The following SORCS1 variants were observed in gnomAD, a reference collection of about 807,000 sequenced individuals.
SORCS1 encodes sortilin related VPS10 domain containing receptor 1.
In SORCS1, 60 loss-of-function variants were observed where a neutral mutation model predicts 146.1. The observed-to-expected ratio is 0.41, with a 90% CI of 0.33 to 0.51. The LOEUF is 0.51. Ranked by LOEUF, SORCS1 falls within the 20% of genes least tolerant of loss-of-function variation. The pLI, the probability that SORCS1 is intolerant of heterozygous loss-of-function variation, is 0.21. For synonymous variants in SORCS1, 637 were observed against 584.0 expected (o/e 1.09, Z -1.31); for missense variants, 1,352 against 1,487.6 (o/e 0.91, Z 1.50).
rs191870770 is a variant in SORCS1, at chr10:106,655,175, T to A, written c.2304-2622A>T. 1.0e-3 allele frequency among the ~76,000 whole-genome samples: 152 copies of A among 152,282 alleles called. 1 individual carries two copies. Among genetic ancestry groups the A allele is most frequent in the Middle Eastern group, 3.4e-3 (1 of 294 alleles). On this transcript the variant is annotated intron_variant, in intron 17 of 25. Coordinates refer to ENST00000263054, the MANE Select transcript of SORCS1 (RefSeq NM_052918.5). ...TGGCCTCATCTGATATTTATTTTTT[T>A]AAAAATCCTTTGTAGTTGCTTTTAA...
In SORCS1 at chr10:106,617,447, A is replaced by G. The variant is rs1363136728; in HGVS notation, c.2920+702T>C. ...TACTAGTAACACTTAGTGCATATCC[A>G]TATGACTATCTTTCTATGCAGAAAA... On this transcript the variant is annotated intron_variant, in intron 21 of 25. Coordinates refer to ENST00000263054, the MANE Select transcript of SORCS1 (RefSeq NM_052918.5). 2.0e-5 allele frequency among the ~76,000 whole-genome samples: 3 copies of G among 152,242 alleles called. No individual in the cohort carries two copies. In the East Asian group the frequency reaches 5.8e-4, roughly 29 times the overall value.
intron 5 of SORCS1, among the ~76,000 whole-genome samples, chr10:106,731,011 A>G (rs1856553290): frequency 6.6e-6 from 1 of 152,142 alleles, no homozygotes; most frequent in Non-Finnish European, 1.5e-5. Context: ...TGCAGATGTT[A>G]AAACTACTTA....
chr10:106,897,962 C>T (rs934032904), intron 2 of SORCS1, among the ~76,000 whole-genome samples: 2 of 152,226 alleles, frequency 1.3e-5, no homozygotes, highest in Non-Finnish European at 2.9e-5. Flanking sequence ...GCCATTCCTT[C>T]GCTGGGACCC....
At chr10:106,621,902 C>A (rs1430051662) in intron 19 of SORCS1, among the ~76,000 whole-genome samples, 1 of 152,144 alleles carries the variant, frequency 6.6e-6, no homozygotes, top group Non-Finnish European at 1.5e-5. Context: ...AACCTTTCAC[C>A]ACCCGAATCC....
chr10:106,858,389 G>A (rs1949872117), intron 2 of SORCS1, among the ~76,000 whole-genome samples: 1 of 151,762 alleles, frequency 6.6e-6, no homozygotes, highest in African/African-American at 2.4e-5. Context: ...GGAAGCCGAG[G>A]CAGGCGGATC....
chr10:107,052,891 T>G (rs562877780), intron 1 of SORCS1, among the ~76,000 whole-genome samples: 4 of 152,258 alleles, frequency 2.6e-5, no homozygotes, highest in African/African-American at 7.2e-5. Flanking sequence ...TCTCATTGTG[T>G]TCCATAGAAG....
chr10:106,969,233 A>T (rs938336282), intron 1 of SORCS1, among the ~76,000 whole-genome samples: 5 of 152,200 alleles, frequency 3.3e-5, no homozygotes, highest in African/African-American at 1.2e-4. Context: ...TGGCATGGCT[A>T]GTGGGTGGGT....
intron 24 of SORCS1, among the ~76,000 whole-genome samples, chr10:106,588,502 A>C (rs1258342252): frequency 9.2e-5 from 14 of 152,078 alleles, no homozygotes; most frequent in Admixed American, 7.9e-4. Context: ...GCTGTTGAAC[A>C]GTGGTTGTTA....
chr10:106,739,531 G>A (rs1359800286), intron 5 of SORCS1, among the ~76,000 whole-genome samples: 1 of 151,528 alleles, frequency 6.6e-6, no homozygotes, highest in East Asian at 1.9e-4. Context: ...AAACCAGGCC[G>A]GGCGTGGTGG....
chr10:106,720,418 T>C (rs1215193135), intron 6 of SORCS1, among the ~76,000 whole-genome samples: 3 of 151,136 alleles, frequency 2.0e-5, no homozygotes, highest in Admixed American at 6.6e-5. Flanking sequence ...CTCCAAGGAT[T>C]GTTATAAGTA....
chr10:107,055,414 G>A (rs1590033803), intron 1 of SORCS1, among the ~76,000 whole-genome samples: 1 of 152,160 alleles, frequency 6.6e-6, no homozygotes, highest in Non-Finnish European at 1.5e-5. Context: ...AGTTTTCCTA[G>A]GTTACTTGCA....
chr10:107,100,354 A>C (rs1016970468), intron 1 of SORCS1, among the ~76,000 whole-genome samples: 2 of 152,110 alleles, frequency 1.3e-5, no homozygotes, highest in Non-Finnish European at 1.5e-5. Context: ...TCTACTAAAA[A>C]TACAAAAAAC....
intron 1 of SORCS1, among the ~76,000 whole-genome samples, chr10:107,035,679 A>G (rs1042912996): frequency 1.4e-4 from 22 of 152,172 alleles, no homozygotes; most frequent in African/African-American, 3.9e-4. Context: ...TTGCCTGTCA[A>G]TGGAAAAGCT....
At chr10:106,841,534 T>C (rs1022539943) in intron 2 of SORCS1, among the ~76,000 whole-genome samples, 4 of 152,188 alleles carry the variant, frequency 2.6e-5, no homozygotes, top group African/African-American at 9.7e-5. Context: ...ACACACTTAA[T>C]AGACTGTAGT....
intron 1 of SORCS1, among the ~76,000 whole-genome samples, chr10:106,995,548 G>A (rs767152057): frequency 6.6e-5 from 10 of 152,122 alleles, no homozygotes; most frequent in Admixed American, 2.0e-4. Flanking sequence ...AACGTCCTGC[G>A]TGGCTGTGGA....
chr10:107,007,293 G>A (rs1957493489), intron 1 of SORCS1, among the ~76,000 whole-genome samples: 1 of 152,194 alleles, frequency 6.6e-6, no homozygotes, highest in African/African-American at 2.4e-5. Flanking sequence ...ACCACAGTAG[G>A]AGTGACACTG....
At chr10:106,955,257 T>C (rs1290638952) in intron 2 of SORCS1, among the ~76,000 whole-genome samples, 1 of 152,186 alleles carries the variant, frequency 6.6e-6, no homozygotes, top group Non-Finnish European at 1.5e-5. Context: ...CCCGAGTTTT[T>C]AAGGCGCCAC....
chr10:106,617,424 C>G (rs1231594167), intron 21 of SORCS1, among the ~76,000 whole-genome samples: 1 of 152,278 alleles, frequency 6.6e-6, no homozygotes, highest in South Asian at 2.1e-4. Context: ...TTGCCATGTA[C>G]TAGTAACACT....
intron 3 of SORCS1, among the ~76,000 whole-genome samples, chr10:106,801,662 TG>T (rs1419240337): frequency 2.0e-5 from 3 of 151,830 alleles, no homozygotes; most frequent in Non-Finnish European, 4.4e-5. Flanking sequence ...CCCGAGTAGC[TG>T]GGACTACAGG....
Sources: gnomAD v4.1 joint callset for allele counts (sites outside exome capture counted in the v4.1 genomes callset) on GRCh38, gnomAD v4.1.1 for gene constraint, MANE v1.5 for transcripts, NCBI Gene and HGNC (gene_info 2026-07-23, HGNC 2026-07-21) for gene names.